ZRANB3: variants seen among roughly 807,000 people sequenced by gnomAD.
The protein encoded by ZRANB3 is DNA annealing helicase and endonuclease ZRANB3.
Under a neutral mutation model 133.8 loss-of-function variants are expected in ZRANB3, and 125 were observed. The ratio of observed to expected loss-of-function variants is 0.93; its 90% confidence interval spans 0.81 to 1.08. ZRANB3 has a LOEUF of 1.08. Among genes scored for constraint, ZRANB3 ranks in the 50% least tolerant of loss-of-function variants. ZRANB3 has a pLI of 0.00. For missense variants in ZRANB3, 1,229 were observed against 1,275.5 expected (o/e 0.96, Z 0.56); for synonymous variants, 387 against 432.7 (o/e 0.89, Z 1.31).
chr2:135,200,415 CT>C lies in ZRANB3; in HGVS notation c.3166del (p.Arg1056GlufsTer4), dbSNP rs1449806720. Reference sequence around the variant, plus strand: ...TAGAGATTGTCTTCTCACCTGGCTTCTTTCCTTAGCTTGTCTGGCAGTTCTC... The same window carrying C: ...TAGAGATTGTCTTCTCACCTGGCTTCTTCCTTAGCTTGTCTGGCAGTTCTC... ...KERTARQAKE[R>X]SQVRRQSLAS... On this transcript the variant is annotated frameshift_variant, in exon 21 of 21. Transcript: ENST00000264159. LOFTEE classifies it high-confidence loss of function. 3 of 1,605,724 alleles carry C rather than the reference CT, an allele frequency of 1.9e-6. No homozygotes were observed. Among genetic ancestry groups the C allele is most frequent in the South Asian group, 1.1e-5 (1 of 89,258 alleles).
chr2:135,478,349 A>C (rs1691594022), intron 2 of ZRANB3, among the ~76,000 whole-genome samples: 1 of 152,132 alleles, frequency 6.6e-6, no homozygotes, highest in African/African-American at 2.4e-5. Context: ...ACCAATGTAA[A>C]TAGCACCAAG....
intron 8 of ZRANB3, among the ~76,000 whole-genome samples, chr2:135,279,338 T>C (rs1050678591): frequency 4.6e-5 from 7 of 152,196 alleles, no homozygotes; most frequent in Non-Finnish European, 2.9e-5. Flanking sequence ...AAATTCATCA[T>C]ACAATGAGAG....
At chr2:135,368,577 T>C (rs979923304) in intron 3 of ZRANB3, among the ~76,000 whole-genome samples, 3 of 152,108 alleles carry the variant, frequency 2.0e-5, no homozygotes, top group African/African-American at 4.8e-5. Context: ...AAAAGTAAGA[T>C]AGCTGGGTGA....
At chr2:135,480,333 T>A (rs1007862552) in intron 2 of ZRANB3, among the ~76,000 whole-genome samples, 3 of 152,150 alleles carry the variant, frequency 2.0e-5, no homozygotes, top group African/African-American at 7.2e-5. Flanking sequence ...AAGAATCTTC[T>A]TATAGTAAAA....
chr2:135,413,427 G>A (rs979345514), intron 2 of ZRANB3, among the ~76,000 whole-genome samples: 9 of 152,084 alleles, frequency 5.9e-5, no homozygotes, highest in African/African-American at 2.2e-4. Flanking sequence ...GTTTATAATG[G>A]CTACATTTGA....
chr2:135,413,856 A>G (rs1053582294), intron 2 of ZRANB3, among the ~76,000 whole-genome samples: 6 of 152,186 alleles, frequency 3.9e-5, no homozygotes, highest in East Asian at 1.9e-4. Flanking sequence ...CAGCCAAACT[A>G]GGCTTCATAA....
chr2:135,199,036 A>C lies in ZRANB3; in HGVS notation c.*1306T>G, dbSNP rs944862039. The C allele has an allele frequency of 6.6e-6, 1 of 152,212 alleles. No individual in the cohort carries two copies. The highest frequency in any genetic ancestry group is 1.5e-5 in the Non-Finnish European group (1 of 68,038). The allele number at this position is 152,212 out of a possible 1,614,324, so 9.4% of individuals were successfully genotyped here. A position where few individuals can be genotyped will look rare whatever the true frequency, so the allele number is the denominator to read the frequency against. On this transcript the variant is annotated 3_prime_UTR_variant, in exon 21 of 21. Transcript: ENST00000264159. ...TGTATAGTTCTGACTCTTTGCCCTC[A>C]TGATTCTGACATATTGCAGGACTAG...
At chr2:135,219,258 T>C (rs1345744752) in intron 15 of ZRANB3, 80 bp from the exon 16 acceptor site, 1 of 888,292 alleles carries the variant, frequency 1.1e-6, no homozygotes, top group Non-Finnish European at 1.7e-6. Context: ...ATAATTACAT[T>C]ATGACACAAT....
At chr2:135,274,464 A>C (rs1372321330) in intron 9 of ZRANB3, among the ~76,000 whole-genome samples, 1 of 152,210 alleles carries the variant, frequency 6.6e-6, no homozygotes, top group Non-Finnish European at 1.5e-5. Flanking sequence ...CCACATTCAA[A>C]GGCCACTGTG....
chr2:135,391,801 G>C (rs977010623), intron 2 of ZRANB3, among the ~76,000 whole-genome samples: 1 of 151,962 alleles, frequency 6.6e-6, no homozygotes, highest in Admixed American at 6.6e-5. Flanking sequence ...GGATGGTCTC[G>C]ATCTCCTGAC....
chr2:135,446,830 T>G (rs1007018567), intron 2 of ZRANB3, among the ~76,000 whole-genome samples: 1 of 152,068 alleles, frequency 6.6e-6, no homozygotes, highest in Non-Finnish European at 1.5e-5. Flanking sequence ...GGAACTGGAG[T>G]AGAAAAGGTG....
intron 1 of ZRANB3, among the ~76,000 whole-genome samples, chr2:135,520,413 CTTTT>C (rs75698016): frequency 6.7e-5 from 9 of 133,854 alleles, no homozygotes; most frequent in Non-Finnish European, 3.3e-5. Context: ...AAAAGGATTT[CTTTT>C]TTTTTTTTTT....
chr2:135,430,816 C>A (rs1017288990), intron 2 of ZRANB3, among the ~76,000 whole-genome samples: 1 of 151,940 alleles, frequency 6.6e-6, no homozygotes, highest in East Asian at 1.9e-4. Flanking sequence ...GGTGGGGAAA[C>A]GACAGTCATT....
chr2:135,312,747 G>T (rs1683059137), intron 8 of ZRANB3, among the ~76,000 whole-genome samples: 1 of 152,096 alleles, frequency 6.6e-6, no homozygotes. Flanking sequence ...CGGGCACGGT[G>T]GCTTACACCT....
chr2:135,467,431 A>G (rs1691048257), intron 2 of ZRANB3, among the ~76,000 whole-genome samples: 1 of 152,210 alleles, frequency 6.6e-6, no homozygotes, highest in African/African-American at 2.4e-5. Flanking sequence ...CATGAGATAA[A>G]TTAACCACCT....
chr2:135,382,937 G>A (rs948314215), intron 3 of ZRANB3, among the ~76,000 whole-genome samples: 4 of 152,106 alleles, frequency 2.6e-5, no homozygotes, highest in African/African-American at 4.8e-5. Context: ...ATCAACTAAC[G>A]AGCAAAATAA....
chr2:135,489,694 C>T (rs978625604), intron 2 of ZRANB3, among the ~76,000 whole-genome samples: 1 of 150,964 alleles, frequency 6.6e-6, no homozygotes, highest in East Asian at 1.9e-4. Flanking sequence ...GAAGAGAGAA[C>T]AGGTACTACT....
intron 1 of ZRANB3, chr2:135,511,025 T>C (rs1693429213): frequency 2.6e-6 from 2 of 780,476 alleles, no homozygotes; most frequent in Admixed American, 1.7e-5. Flanking sequence ...TATTTCTTCG[T>C]TGTTCTCACA....
intron 8 of ZRANB3, among the ~76,000 whole-genome samples, chr2:135,279,974 A>G (rs1178694662): frequency 6.6e-6 from 1 of 152,214 alleles, no homozygotes; most frequent in Non-Finnish European, 1.5e-5. Flanking sequence ...AAAATGTACT[A>G]TGCATGCATT....
Sources: allele counts gnomAD v4.1 joint callset (sites outside exome capture counted in the v4.1 genomes callset), GRCh38; gene constraint gnomAD v4.1.1; transcripts MANE v1.5; gene names NCBI Gene and HGNC (gene_info 2026-07-23, HGNC 2026-07-21).